The following REV3L variants were observed in gnomAD, a reference collection of about 807,000 sequenced individuals.
REV3L encodes the protein DNA polymerase zeta catalytic subunit.
A neutral mutation model predicts 299.4 loss-of-function variants in REV3L; 69 were observed. The ratio of observed to expected loss-of-function variants is 0.23; its 90% CI spans 0.19 to 0.28. REV3L has a LOEUF of 0.28. Among genes scored for constraint, REV3L ranks in the 10% least tolerant of loss-of-function variants. The probability of loss-of-function intolerance (pLI) is 1.00; values close to 1 mark genes in which losing one functional copy is unlikely to be tolerated. For synonymous variants in REV3L, 1,238 were observed against 1,271.4 expected, an observed-to-expected ratio of 0.97 and a Z score of 0.56; for missense variants, 3,128 against 3,693.8, an observed-to-expected ratio of 0.85 and a Z score of 3.97.
intron 31 of REV3L, among the ~76,000 whole-genome samples, chr6:111,304,963 CAG>C (rs1329964124): frequency 2.1e-5 from 3 of 145,156 alleles, no homozygotes; most frequent in Non-Finnish European, 3.0e-5. Flanking sequence ...TTTTTTGAGA[CAG>C]AGTTTCGCTC....
Position 111,300,092 on chromosome 6 carries a change from A to G in REV3L, c.9317T>C (p.Val3106Ala), listed in dbSNP as rs141390675. The change falls in exon 32 of 32, where the codon GTA becomes GCA. Residue 3106 changes from valine (V) to alanine (A), a missense_variant. This residue lies in a region of REV3L where 294 missense variants were observed against 377.0 expected (regional missense o/e 0.78). Coordinates refer to ENST00000368802, the MANE Select transcript of REV3L (RefSeq NM_001372078.1). ...ATTTACTCGGGAGAGTTTGAAAAGT[A>G]CTGGGCAGTTCAGAGAAACACATGG... The part of the protein sequence containing the change: ...HIPCVSLNCP[V>A]LFKLSRVNRE... The G allele has an allele frequency of 4.3e-6, 7 of 1,613,778 alleles. No homozygotes were observed. In the African/African-American group the frequency reaches 6.7e-5, roughly 15 times the overall value.
chr6:111,430,973 A>G lies in REV3L; in HGVS notation c.140-14501T>C, dbSNP rs192528910. ...TGGAAGACTTCAGTCTGGTGTGAAT[A>G]CTTTGCAGGGGTTCAAAGAGGACAA... On this transcript the variant is annotated intron_variant, in intron 1 of 31. Coordinates refer to ENST00000368802, the MANE Select transcript of REV3L (RefSeq NM_001372078.1). 1.3e-4 allele frequency: 207 copies of G among 1,579,256 alleles called. No homozygotes were observed. In the African/African-American group the frequency reaches 2.4e-3, roughly 18 times the overall value.
intron 12 of REV3L, 98 bp from the exon 13 acceptor site, chr6:111,376,855 A>G (rs1780369350): frequency 1.1e-6 from 1 of 928,358 alleles, no homozygotes; most frequent in Non-Finnish European, 1.5e-6. Flanking sequence ...CTATGAAAAA[A>G]TTACATCAAA....
intron 1 of REV3L, among the ~76,000 whole-genome samples, chr6:111,425,318 G>A (rs1786044159): frequency 6.6e-6 from 1 of 152,172 alleles, no homozygotes; most frequent in Non-Finnish European, 1.5e-5. Context: ...AATTAGCCGG[G>A]TGTGGTGGCG....
At chr6:111,356,236 G>A (rs1000861578) in intron 18 of REV3L, among the ~76,000 whole-genome samples, 2 of 152,024 alleles carry the variant, frequency 1.3e-5, no homozygotes, top group Non-Finnish European at 2.9e-5. Flanking sequence ...CTTGCTTTAG[G>A]CATCTAAAAC....
At chr6:111,360,478 T>TTTTC (rs1465326057) in intron 16 of REV3L, among the ~76,000 whole-genome samples, 3 of 144,876 alleles carry the variant, frequency 2.1e-5, no homozygotes, top group African/African-American at 8.2e-5. Flanking sequence ...ATCTTTTTTT[T>TTTTC]TTTTTTTTTT....
At chr6:111,483,465 G>T, upstream of REV3L, 1 of 506,852 alleles carries the variant, frequency 2.0e-6, no homozygotes. Context: ...ACCTGGGTGA[G>T]GGGCAGCGGA....
chr6:111,395,514 T>C (rs1048692726), intron 4 of REV3L, among the ~76,000 whole-genome samples: 3 of 152,236 alleles, frequency 2.0e-5, no homozygotes, highest in Non-Finnish European at 2.9e-5. Flanking sequence ...CTAGTTGTTA[T>C]TGGTGCACAG....
chr6:111,301,068 G>A (rs565610947), intron 31 of REV3L, among the ~76,000 whole-genome samples: 8 of 152,248 alleles, frequency 5.3e-5, no homozygotes, highest in Admixed American at 4.6e-4. Flanking sequence ...TGCATTCTCA[G>A]GGGTAGGTCT....
chr6:111,320,570 G>C (rs973075212), intron 26 of REV3L, among the ~76,000 whole-genome samples: 1 of 152,160 alleles, frequency 6.6e-6, no homozygotes, highest in Non-Finnish European at 1.5e-5. Context: ...ACTTTTTTGT[G>C]TCCTCCTTCA....
intron 4 of REV3L, among the ~76,000 whole-genome samples, chr6:111,400,820 A>G (rs1392976591): frequency 6.6e-6 from 1 of 152,162 alleles, no homozygotes; most frequent in African/African-American, 2.4e-5. Flanking sequence ...ATTTTCTGCT[A>G]GAAGTTTGAT....
At position 111,372,073 on chromosome 6, in the gene REV3L, CAATAT is replaced by C. The variant is rs1447490973; in HGVS notation, c.5759+518_5759+522del. ...ACTGCATAAACTATAATAACAATAACAATATAATACAAGATATTGAAACCACATGA... is the reference window on the plus strand; with the variant it reads ...ACTGCATAAACTATAATAACAATAACAATACAAGATATTGAAACCACATGA... On this transcript the variant is annotated intron_variant, in intron 13 of 31. Transcript: ENST00000368802. 2.0e-5 allele frequency among the ~76,000 whole-genome samples: 3 copies of C among 152,162 alleles called. No individual in the cohort carries two copies. The South Asian group carries it at 6.2e-4, about 32-fold the overall frequency.
intron 4 of REV3L, 78 bp from the exon 5 acceptor site, chr6:111,393,050 T>C: frequency 3.1e-6 from 3 of 978,180 alleles, no homozygotes; most frequent in Non-Finnish European, 3.1e-6. Context: ...AAATTTTTTT[T>C]TTTTTGAGAT....
At chr6:111,320,006 T>A (rs779036225) in intron 26 of REV3L, among the ~76,000 whole-genome samples, 1 of 151,836 alleles carries the variant, frequency 6.6e-6, no homozygotes, top group Non-Finnish European at 1.5e-5. Flanking sequence ...ATTTTTTTAA[T>A]TTTTAGTGAT....
At chr6:111,396,814 G>A (rs1390014692) in intron 4 of REV3L, among the ~76,000 whole-genome samples, 1 of 152,066 alleles carries the variant, frequency 6.6e-6, no homozygotes, top group African/African-American at 2.4e-5. Flanking sequence ...GCAGGTGTGA[G>A]CCACTGTGCC....
intron 1 of REV3L, among the ~76,000 whole-genome samples, chr6:111,465,745 C>CAAAAAAAAAAAAAAAAAA (rs376561912): frequency 2.2e-4 from 17 of 76,770 alleles, no homozygotes; most frequent in South Asian, 6.1e-4. Context: ...AAACAAAAAC[C>CAAAAAAAAAAAAAAAAAA]AAAAAAAAAA....
intron 1 of REV3L, among the ~76,000 whole-genome samples, chr6:111,443,868 G>C (rs563289960): frequency 6.6e-6 from 1 of 152,232 alleles, no homozygotes; most frequent in Non-Finnish European, 1.5e-5. Context: ...CTATCCTTTA[G>C]TCTGATACAT....
At chr6:111,437,823 T>C (rs1050574116) in intron 1 of REV3L, among the ~76,000 whole-genome samples, 1 of 152,004 alleles carries the variant, frequency 6.6e-6, no homozygotes. Context: ...ATAGGTAAAA[T>C]GTATAGTATG....
intron 1 of REV3L, chr6:111,430,617 A>T (rs1343144682): frequency 1.1e-5 from 17 of 1,526,508 alleles, no homozygotes; most frequent in Non-Finnish European, 1.5e-5. Flanking sequence ...CACCTCGCAG[A>T]GTGGGGAGGA....
Sources: gnomAD v4.1 joint callset for allele counts (sites outside exome capture counted in the v4.1 genomes callset) on GRCh38, gnomAD v4.1.1 for gene constraint, gnomAD v4.1.1 regional missense constraint, MANE v1.5 for transcripts, NCBI Gene and HGNC (gene_info 2026-07-23, HGNC 2026-07-21) for gene names.